Variants in PIP5K1A observed in about 807,000 individuals in gnomAD.
The protein encoded by PIP5K1A is phosphatidylinositol-4-phosphate 5-kinase type 1 alpha.
Under a neutral mutation model 72.9 loss-of-function variants are expected in PIP5K1A, and 46 were observed. The ratio of observed to expected loss-of-function variants is 0.63; its 90% CI spans 0.50 to 0.81. PIP5K1A has a LOEUF of 0.81. PIP5K1A is among the 30% of genes least tolerant of loss of function. The probability of loss-of-function intolerance (pLI) is 0.00; values close to 1 mark genes in which losing one functional copy is unlikely to be tolerated. For missense variants in PIP5K1A, 458 were observed against 706.1 expected (o/e 0.65, Z 3.98); for synonymous variants, 228 against 255.1 (o/e 0.89, Z 1.01).
chr1:151,229,181 A>AAAC (rs1220085045), intron 4 of PIP5K1A, among the ~76,000 whole-genome samples: 1 of 149,270 alleles, frequency 6.7e-6, no homozygotes, highest in African/African-American at 2.4e-5. Context: ...AAAAAAAAAA[A>AAAC]AAAAAAAAAA....
chr1:151,223,599 C>T (rs1283207538), intron 1 of PIP5K1A, among the ~76,000 whole-genome samples: 2 of 137,802 alleles, frequency 1.5e-5, no homozygotes, highest in Admixed American at 7.6e-5. Flanking sequence ...GAGCCGAGAT[C>T]GTGCCATTGC....
intron 4 of PIP5K1A, among the ~76,000 whole-genome samples, chr1:151,228,108 A>G (rs1034698991): frequency 1.3e-5 from 2 of 152,054 alleles, no homozygotes; most frequent in African/African-American, 4.8e-5. Flanking sequence ...TGTTGATACA[A>G]ATATACACAA....
At chr1:151,208,273 CTG>C (rs1456927051) in intron 1 of PIP5K1A, among the ~76,000 whole-genome samples, 1 of 152,016 alleles carries the variant, frequency 6.6e-6, no homozygotes, top group Non-Finnish European at 1.5e-5. Context: ...GCACTTCTGA[CTG>C]TTTCCTAGAA....
At position 151,248,099 on chromosome 1, in the gene PIP5K1A, C is replaced by T; in HGVS notation, c.*234C>T. ...AGAGTTGAGGACCGCAGCATCCCCT[C>T]CACTCCAGAGTTGGGTGGTATGGAT... On this transcript the variant is annotated 3_prime_UTR_variant, in exon 16 of 16. Transcript: ENST00000368888. The T allele has an allele frequency of 1.9e-6, 1 of 528,300 alleles. No individual in the cohort carries two copies. The highest frequency in any genetic ancestry group is 3.4e-6 in the Non-Finnish European group (1 of 296,562). The allele number at this position is 528,300 out of a possible 1,614,324, so 32.7% of individuals were successfully genotyped here.
chr1:151,207,085 A>G (rs1572155617), intron 1 of PIP5K1A, among the ~76,000 whole-genome samples: 1 of 149,862 alleles, frequency 6.7e-6, no homozygotes. Flanking sequence ...GGCCAGGCTG[A>G]TCTTGAACTC....
intron 14 of PIP5K1A, 143 bp downstream of exon 14, chr1:151,242,710 G>A: frequency 1.3e-6 from 1 of 763,192 alleles, no homozygotes; most frequent in Non-Finnish European, 2.1e-6. Flanking sequence ...CTTTCTGTGG[G>A]TCAGGAATCC....
intron 14 of PIP5K1A, among the ~76,000 whole-genome samples, chr1:151,243,225 T>C (rs1305016886): frequency 6.6e-6 from 1 of 152,178 alleles, no homozygotes; most frequent in Non-Finnish European, 1.5e-5. Context: ...TACCTCCATG[T>C]CGAAAATACA....
chr1:151,228,068 A>G (rs587756594), intron 4 of PIP5K1A, among the ~76,000 whole-genome samples: 13 of 152,210 alleles, frequency 8.5e-5, no homozygotes, highest in African/African-American at 2.9e-4. Flanking sequence ...CTGGGTATAT[A>G]TCAATAGAGG....
Position 151,246,980 on chromosome 1 carries a change from T to G in PIP5K1A, c.1686+15T>G, listed in dbSNP as rs776802419. The G allele has an allele frequency of 1.2e-6, 2 of 1,609,318 alleles. No individual in the cohort carries two copies. The highest frequency in any genetic ancestry group is 2.2e-5 in the South Asian group (2 of 90,914). On this transcript the variant is annotated intron_variant, in intron 15 of 15. Coordinates refer to ENST00000368888, the MANE Select transcript of PIP5K1A (RefSeq NM_001135638.2). ...AGTTCACCCATGTGAGTATCTGGGA[T>G]GTGTGGGAGGTGAACGTTTTGCAAG...
At chr1:151,203,921 A>C (rs778467716) in intron 1 of PIP5K1A, among the ~76,000 whole-genome samples, 3 of 152,176 alleles carry the variant, frequency 2.0e-5, no homozygotes, top group Non-Finnish European at 4.4e-5. Flanking sequence ...TAAAATGGTC[A>C]TCGCTCACCT....
rs1183192132 is a variant in PIP5K1A, at chr1:151,238,184, T to G, written c.1148T>G (p.Met383Arg). 6.2e-7 allele frequency: 1 copy of G among 1,609,004 alleles called. No individual in the cohort carries two copies. Among genetic ancestry groups the G allele is most frequent in the Non-Finnish European group, 8.5e-7 (1 of 1,175,514 alleles). Residue 383 changes from methionine to arginine, a missense_variant and splice_region_variant, in exon 10 of 16, where the codon ATG (methionine) becomes AGG (arginine). Met to Arg is a moderately conservative substitution (Grantham distance 91, BLOSUM62 -1). Coordinates refer to ENST00000368888, the MANE Select transcript of PIP5K1A (RefSeq NM_001135638.2). ...CCTTTCCTTTTTGCCTTTTCCAGTA[T>G]GGGTGGCATCCCTGCCCGGAATAGT... is the stretch of plus-strand genomic sequence containing the variant. ...RGGTMETDDH[M>R]GGIPARNSKG... is the part of the protein sequence containing the mutation.
chr1:151,218,428 A>G (rs955826931), intron 1 of PIP5K1A, among the ~76,000 whole-genome samples: 1 of 152,170 alleles, frequency 6.6e-6, no homozygotes, highest in African/African-American at 2.4e-5. Context: ...AGGGAAGAAT[A>G]TATGTCTTCA....
chr1:151,198,987 G>C lies in PIP5K1A; in HGVS notation c.-10G>C, dbSNP rs1684805662. The C allele has an allele frequency of 1.9e-6, 3 of 1,613,464 alleles. No individual in the cohort carries two copies. The highest frequency in any genetic ancestry group is 1.1e-5 in the South Asian group (1 of 91,068). On this transcript the variant is annotated 5_prime_UTR_variant, in exon 1 of 16. Coordinates refer to ENST00000368888, the MANE Select transcript of PIP5K1A (RefSeq NM_001135638.2). ...AGAGCCAGGCCGCTGAGGGGGAGGG[G>C]GCTGCTAAGATGGCGTCGGCCTCCT...
At chr1:151,244,070 T>C (rs1692139039) in intron 14 of PIP5K1A, among the ~76,000 whole-genome samples, 1 of 151,764 alleles carries the variant, frequency 6.6e-6, no homozygotes, top group South Asian at 2.1e-4. Context: ...TCCCACCACT[T>C]TGGGAGGCTG....
chr1:151,236,861 C>T (rs1690969233), intron 9 of PIP5K1A, 98 bp downstream of exon 9: 10 of 809,844 alleles, frequency 1.2e-5, no homozygotes, highest in Non-Finnish European at 1.7e-5. Flanking sequence ...CTCTTGTTGC[C>T]CAGGCTGATG....
chr1:151,220,040 C>G (rs987587511), intron 1 of PIP5K1A, among the ~76,000 whole-genome samples: 3 of 151,950 alleles, frequency 2.0e-5, no homozygotes, highest in African/African-American at 7.3e-5. Context: ...GAGTGTTGCT[C>G]TGTTGCCCAG....
Position 151,198,779 on chromosome 1 carries a change from G to A in PIP5K1A, c.-218G>A. On this transcript the variant is annotated 5_prime_UTR_variant, in exon 1 of 16. The change creates a new upstream start codon in the 5' untranslated region. Transcript: ENST00000368888. ...GAAAGCGGTTAAACTTGTGGAGGGG[G>A]TGCGGGACGTGAGTTCTTCCCCATG... 1.6e-6 allele frequency: 1 copy of A among 632,102 alleles called. No individual in the cohort carries two copies. The highest frequency in any genetic ancestry group is 2.8e-6 in the Non-Finnish European group (1 of 353,968). 39.2% of individuals were successfully genotyped at this position (632,102 alleles called of 1,614,324 possible).
intron 14 of PIP5K1A, among the ~76,000 whole-genome samples, chr1:151,243,270 G>A (rs1010437898): frequency 3.3e-5 from 5 of 152,168 alleles, no homozygotes; most frequent in Admixed American, 2.6e-4. Flanking sequence ...CCATTGTAGC[G>A]TTAGCTCAGA....
chr1:151,229,454 C>T (rs187712994), intron 4 of PIP5K1A, among the ~76,000 whole-genome samples: 3 of 150,434 alleles, frequency 2.0e-5, no homozygotes, highest in East Asian at 2.0e-4. Context: ...CTCTGCCTTG[C>T]GGGTTCAAGC....
Sources: gnomAD v4.1 joint callset for allele counts (sites outside exome capture counted in the v4.1 genomes callset) on GRCh38, gnomAD v4.1.1 for gene constraint, MANE v1.5 for transcripts, NCBI Gene and HGNC (gene_info 2026-07-23, HGNC 2026-07-21) for gene names.